GPR155: variants seen among roughly 807,000 people sequenced by gnomAD.
GPR155 encodes G protein-coupled receptor 155, also known as lysosomal cholesterol signaling protein.
A neutral mutation model predicts 93.1 loss-of-function variants in GPR155; 65 were observed. That is an observed-to-expected ratio of 0.70 (90% CI 0.57 to 0.86). The LOEUF (loss-of-function observed/expected upper bound fraction) is 0.86. Ranked by LOEUF, GPR155 falls within the 40% of genes least tolerant of loss-of-function variation. The pLI is 0.00. For synonymous variants in GPR155, 319 were observed against 360.1 expected (o/e 0.89, Z 1.29); for missense variants, 838 against 1,034.8 (o/e 0.81, Z 2.61).
intron 11 of GPR155, among the ~76,000 whole-genome samples, chr2:174,451,916 T>C (rs974654223): frequency 2.6e-5 from 4 of 152,162 alleles, no homozygotes; most frequent in African/African-American, 9.7e-5. Context: ...CCCAAAGTGG[T>C]GGGATTACAG....
intron 13 of GPR155, 75 bp downstream of exon 13, chr2:174,445,006 C>T (rs961600132): frequency 2.7e-5 from 20 of 745,394 alleles, no homozygotes; most frequent in South Asian, 7.4e-5. Flanking sequence ...ATCCACTCCC[C>T]GCTTCCCCCG....
chr2:174,470,277 C>T (rs1687953779), intron 4 of GPR155, 113 bp downstream of exon 4: 1 of 845,014 alleles, frequency 1.2e-6, no homozygotes, highest in Non-Finnish European at 1.8e-6. Context: ...AGTGAGACCC[C>T]CGTCGTCTCT....
At chr2:174,442,023 C>T in intron 14 of GPR155, 96 bp downstream of exon 14, 3 of 743,774 alleles carry the variant, frequency 4.0e-6, no homozygotes, top group Admixed American at 2.2e-5. Flanking sequence ...ACTGGGATTA[C>T]AAGTAGCCAC....
intron 11 of GPR155, among the ~76,000 whole-genome samples, chr2:174,450,894 T>C (rs1487510404): frequency 5.9e-5 from 9 of 152,154 alleles, no homozygotes; most frequent in South Asian, 2.1e-4. Flanking sequence ...TGTTGCTAAG[T>C]ATAAAGAAAG....
intron 2 of GPR155, among the ~76,000 whole-genome samples, chr2:174,476,717 A>T (rs1021686997): frequency 6.6e-6 from 1 of 152,244 alleles, no homozygotes; most frequent in Non-Finnish European, 1.5e-5. Context: ...TCCATCAGCC[A>T]GTTTAATAAC....
chr2:174,460,471 C>A (rs1432479089), intron 9 of GPR155, among the ~76,000 whole-genome samples: 1 of 152,022 alleles, frequency 6.6e-6, no homozygotes, highest in Non-Finnish European at 1.5e-5. Context: ...CATCTTAGGG[C>A]ACGTTTTTGA....
intron 11 of GPR155, 135 bp from the exon 12 acceptor site, chr2:174,446,882 T>C: frequency 1.2e-6 from 1 of 800,490 alleles, no homozygotes; most frequent in South Asian, 1.6e-5. Flanking sequence ...TTAGATGAAA[T>C]TGGAAGAAAG....
At chr2:174,471,038 ACT>A (rs1687981140) in intron 3 of GPR155, among the ~76,000 whole-genome samples, 1 of 151,914 alleles carries the variant, frequency 6.6e-6, no homozygotes, top group Non-Finnish European at 1.5e-5. Context: ...AAAAAGCTGA[ACT>A]TTATCATGAT....
In GPR155 at chr2:174,460,080, G is replaced by A. The variant is rs1463821290; in HGVS notation, c.1569C>T (p.Thr523=). The A allele has an allele frequency of 1.2e-6, 2 of 1,612,014 alleles. No individual in the cohort carries two copies. Among genetic ancestry groups the A allele is most frequent in the Non-Finnish European group, 1.7e-6 (2 of 1,179,306 alleles). Residue 523 remains threonine, a synonymous_variant, in exon 10 of 16, where the codon ACC becomes ACT. Transcript: ENST00000392552. ...TGCTGCAGAACAGGGTGACTGCTGTGGTGATCATCTGCCGACATGAAAAAA... is the reference window on the plus strand; with the variant it reads ...TGCTGCAGAACAGGGTGACTGCTGTAGTGATCATCTGCCGACATGAAAAAA... The part of the protein sequence containing the change: ...AFFYGKEQMI[T]TAVTLFCSIL...
intron 10 of GPR155, among the ~76,000 whole-genome samples, chr2:174,454,754 G>A (rs13021451): frequency 0.25 from 34,248 of 139,508 alleles, 5,095 homozygotes; most frequent in Middle Eastern, 0.48. Context: ...AAGGAAGGAA[G>A]GGAGAGGAAG....
At chr2:174,456,103 A>C (rs1318522981) in intron 10 of GPR155, among the ~76,000 whole-genome samples, 1 of 152,086 alleles carries the variant, frequency 6.6e-6, no homozygotes, top group Non-Finnish European at 1.5e-5. Context: ...TGGCTTCCCA[A>C]AGTTCTGGGA....
intron 10 of GPR155, among the ~76,000 whole-genome samples, chr2:174,457,330 G>T (rs1420340874): frequency 5.3e-5 from 8 of 152,114 alleles, no homozygotes; most frequent in African/African-American, 1.9e-4. Context: ...AGAAGAGAAA[G>T]ACTTTGTTTC....
chr2:174,473,262 C>A lies in GPR155; in HGVS notation c.563G>T (p.Cys188Phe). 1.9e-6 allele frequency: 3 copies of A among 1,613,178 alleles called. No individual in the cohort carries two copies. Among genetic ancestry groups the A allele is most frequent in the Non-Finnish European group, 2.5e-6 (3 of 1,179,340 alleles). The stretch of plus-strand genomic sequence containing the variant: ...AGTGTCTTTCCACTTTTGGATTTCA[C>A]AGAAAATAAACCCTATAGGGTTTAA... ...MMLNPIGFIFCEIQKWKDTQN... is the reference protein window; with the variant it reads ...MMLNPIGFIFFEIQKWKDTQN... Residue 188 changes from cysteine (C) to phenylalanine (F), a missense_variant, in exon 3 of 16, where the codon TGT (cysteine) becomes TTT (phenylalanine). Coordinates refer to ENST00000392552, the MANE Select transcript of GPR155 (RefSeq NM_152529.7).
chr2:174,460,379 G>T (rs1687654610), intron 9 of GPR155, among the ~76,000 whole-genome samples: 1 of 151,642 alleles, frequency 6.6e-6, no homozygotes, highest in African/African-American at 2.4e-5. Context: ...AGCCAGGATG[G>T]TCTCAATCTT....
intron 1 of GPR155, among the ~76,000 whole-genome samples, chr2:174,486,358 G>A: frequency 6.6e-6 from 1 of 152,208 alleles, no homozygotes; most frequent in East Asian, 1.9e-4. Flanking sequence ...GAAGGCAGCT[G>A]TGGAAGTGGA....
In GPR155 at chr2:174,444,773, G is replaced by C. The variant is rs567821954; in HGVS notation, c.2109+308C>G. 4.7e-4 allele frequency among the ~76,000 whole-genome samples: 71 copies of C among 152,180 alleles called. 1 individual carries two copies. Among genetic ancestry groups the C allele is most frequent in the Middle Eastern group, 3.4e-3 (1 of 294 alleles). On this transcript the variant is annotated intron_variant, in intron 13 of 15. Coordinates refer to ENST00000392552, the MANE Select transcript of GPR155 (RefSeq NM_152529.7). ...GGCCTCCCAAAGTGCTGGGGTTACA[G>C]GTGTGAGCCAATGAGCCCGGTCCCA...
chr2:174,486,672 C>T (rs1387602867), intron 1 of GPR155, among the ~76,000 whole-genome samples: 1 of 152,182 alleles, frequency 6.6e-6, no homozygotes, highest in Non-Finnish European at 1.5e-5. Flanking sequence ...CCGCGCGAGC[C>T]TTCCCGGGTG....
intron 8 of GPR155, 45 bp from the exon 9 acceptor site, chr2:174,461,537 A>C: frequency 6.4e-7 from 1 of 1,553,356 alleles, no homozygotes; most frequent in South Asian, 1.1e-5. Context: ...AAGGATGAAT[A>C]GTAACTGTCT....
rs368292225 is a variant in GPR155 at position 174,461,510 on chromosome 2, A to G, written c.1470-18T>C. 306 of 1,595,338 alleles carry G rather than the reference A, an allele frequency of 1.9e-4. 5 individuals are homozygous for G. The South Asian group carries it at 2.7e-3, about 14-fold the overall frequency. ...CAGGAATTCTGTAATCACAAGTGAT[A>G]TTGGGAGAGAAAAAGAAAGGATGAA... On this transcript the variant is annotated intron_variant, in intron 8 of 15. Transcript: ENST00000392552.
Sources: gnomAD v4.1 joint callset for allele counts (sites outside exome capture counted in the v4.1 genomes callset) on GRCh38, gnomAD v4.1.1 for gene constraint, MANE v1.5 for transcripts, NCBI Gene and HGNC (gene_info 2026-07-23, HGNC 2026-07-21) for gene names.